SDK1: variants seen among roughly 807,000 people sequenced by gnomAD.
The protein encoded by SDK1 is protein sidekick-1.
In SDK1, 157 loss-of-function variants were observed where a neutral mutation model predicts 245.5. That is an observed-to-expected ratio of 0.64 (90% CI 0.56 to 0.73). SDK1 has a LOEUF of 0.73. SDK1 is among the 30% of genes least tolerant of loss of function. The probability of loss-of-function intolerance (pLI) is 0.00; values close to 1 mark genes in which losing one functional copy is unlikely to be tolerated. For missense variants in SDK1, 3,583 were observed against 3,002.3 expected (o/e 1.19, Z -4.52); for synonymous variants, 1,647 against 1,278.5 (o/e 1.29, Z -6.15).
At chr7:3,665,977 A>T (rs1027798926) in intron 4 of SDK1, among the ~76,000 whole-genome samples, 2 of 152,004 alleles carry the variant, frequency 1.3e-5, no homozygotes, top group African/African-American at 4.8e-5. Context: ...CACACTTCCT[A>T]TTCCAATTAG....
chr7:3,791,168 A>G (rs115502857), intron 4 of SDK1, among the ~76,000 whole-genome samples: 44 of 151,378 alleles, frequency 2.9e-4, no homozygotes, highest in African/African-American at 9.3e-4. Flanking sequence ...AAAACAACAA[A>G]AAAAAAAACA....
intron 1 of SDK1, among the ~76,000 whole-genome samples, chr7:3,597,241 C>T (rs1781096698): frequency 7.0e-6 from 1 of 142,082 alleles, no homozygotes. Context: ...CACTGCACTC[C>T]AGCCTGGTCG....
intron 1 of SDK1, among the ~76,000 whole-genome samples, chr7:3,573,966 G>A (rs1415587136): frequency 1.3e-5 from 2 of 151,960 alleles, no homozygotes; most frequent in East Asian, 1.9e-4. Flanking sequence ...CTTACTAAAG[G>A]CAGGGCTGTA....
At chr7:4,033,490 A>G (rs1026851464) in intron 17 of SDK1, among the ~76,000 whole-genome samples, 19 of 152,338 alleles carry the variant, frequency 1.2e-4, no homozygotes, top group African/African-American at 3.4e-4. Context: ...AAAAGCTAAA[A>G]TATTCCATAT....
In SDK1 at chr7:3,757,204, G is replaced by A. The variant is rs74726304; in HGVS notation, c.714-64246G>A. 8.2e-3 allele frequency among the ~76,000 whole-genome samples: 1,250 copies of A among 152,068 alleles called. 11 individuals carry two copies. Among genetic ancestry groups the A allele is most frequent in the Middle Eastern group, 0.017 (5 of 294 alleles). On this transcript the variant is annotated intron_variant, in intron 4 of 44. Coordinates refer to ENST00000404826, the MANE Select transcript of SDK1 (RefSeq NM_152744.4). ...TATACATCTGACAGACTTTGAATCG[G>A]GGTTCCCAAAACCCCCTCCTTGGGC... is the stretch of plus-strand genomic sequence containing the variant.
chr7:3,531,304 C>T (rs917840368), intron 1 of SDK1, among the ~76,000 whole-genome samples: 1 of 152,076 alleles, frequency 6.6e-6, no homozygotes, highest in Non-Finnish European at 1.5e-5. Context: ...TTTATTTACC[C>T]TTGGTTTTGT....
intron 1 of SDK1, among the ~76,000 whole-genome samples, chr7:3,403,601 G>A (rs777590703): frequency 6.6e-6 from 1 of 151,418 alleles, no homozygotes; most frequent in East Asian, 1.9e-4. Context: ...AGATATCTGA[G>A]TAAAGAGTAA....
At chr7:3,559,717 A>T (rs796818534) in intron 1 of SDK1, among the ~76,000 whole-genome samples, 10 of 151,742 alleles carry the variant, frequency 6.6e-5, no homozygotes, top group African/African-American at 2.4e-4. Context: ...ACCTCAAGGT[A>T]ACGCTGTAAA....
At chr7:3,926,742 A>G (rs1779785406) in intron 5 of SDK1, among the ~76,000 whole-genome samples, 1 of 151,682 alleles carries the variant, frequency 6.6e-6, no homozygotes, top group Admixed American at 6.6e-5. Context: ...ACTTTCTACG[A>G]CTCCGTAAGG....
At chr7:3,478,465 A>G (rs17133414) in intron 1 of SDK1, among the ~76,000 whole-genome samples, 24,784 of 151,978 alleles carry the variant, frequency 0.16, 2,162 homozygotes, top group Middle Eastern at 0.22. Context: ...AAAATAACCT[A>G]GGAGTATCAT....
chr7:3,309,687 G>A lies in SDK1; in HGVS notation c.298+7803G>A, dbSNP rs193226262. Among the ~76,000 whole-genome samples, 201 of 152,032 alleles carry A rather than the reference G, an allele frequency of 1.3e-3. 4 individuals carry two copies. Among genetic ancestry groups the A allele is most frequent in the African/African-American group, 4.7e-3 (194 of 41,488 alleles). On this transcript the variant is annotated intron_variant, in intron 1 of 44. Coordinates refer to ENST00000404826, the MANE Select transcript of SDK1 (RefSeq NM_152744.4). Reference sequence around the variant, plus strand: ...TTACAGTAAGCTGTAATGATTTGCAGAACATAAAAGAAAACATGGCTGTTA... The same window carrying A: ...TTACAGTAAGCTGTAATGATTTGCAAAACATAAAAGAAAACATGGCTGTTA...
intron 17 of SDK1, among the ~76,000 whole-genome samples, chr7:4,020,638 G>T (rs998805177): frequency 1.3e-5 from 2 of 152,166 alleles, no homozygotes; most frequent in Non-Finnish European, 2.9e-5. Flanking sequence ...ATGCATCAGG[G>T]GGACAGTGGT....
chr7:3,397,562 A>G (rs910013428), intron 1 of SDK1, among the ~76,000 whole-genome samples: 1 of 151,208 alleles, frequency 6.6e-6, no homozygotes, highest in African/African-American at 2.4e-5. Context: ...TGTTAATCTT[A>G]TAGAGGATTC....
chr7:3,363,752 C>T (rs1781014330), intron 1 of SDK1, among the ~76,000 whole-genome samples: 1 of 152,202 alleles, frequency 6.6e-6, no homozygotes, highest in Non-Finnish European at 1.5e-5. Context: ...TGCTGATTTG[C>T]CCGGAGGAGC....
At chr7:4,161,700 C>T in intron 31 of SDK1, 86 bp from the exon 32 acceptor site, 1 of 1,094,158 alleles carries the variant, frequency 9.1e-7, no homozygotes, top group Non-Finnish European at 1.4e-6. Context: ...CACCAGCCTC[C>T]CCATACTCAC....
intron 1 of SDK1, among the ~76,000 whole-genome samples, chr7:3,535,683 G>C (rs1778862957): frequency 6.6e-6 from 1 of 152,140 alleles, no homozygotes; most frequent in Non-Finnish European, 1.5e-5. Context: ...TTTTCAGTTA[G>C]TAATCAGATG....
intron 22 of SDK1, among the ~76,000 whole-genome samples, chr7:4,107,449 G>A (rs1783011807): frequency 6.6e-6 from 1 of 151,808 alleles, no homozygotes; most frequent in African/African-American, 2.4e-5. Flanking sequence ...CTAAATTGAC[G>A]GCCTGAAATG....
chr7:3,313,392 C>G (rs758424609), intron 1 of SDK1, among the ~76,000 whole-genome samples: 1 of 151,902 alleles, frequency 6.6e-6, no homozygotes, highest in Non-Finnish European at 1.5e-5. Flanking sequence ...GGCGACGGAG[C>G]GAGACTCCAT....
At chr7:4,055,042 T>C (rs1779112917) in intron 19 of SDK1, among the ~76,000 whole-genome samples, 1 of 152,228 alleles carries the variant, frequency 6.6e-6, no homozygotes, top group African/African-American at 2.4e-5. Context: ...ATGAGAGATA[T>C]TAATCTGTAG....
Sources: gnomAD v4.1 joint callset for allele counts (sites outside exome capture counted in the v4.1 genomes callset) on GRCh38, gnomAD v4.1.1 for gene constraint, MANE v1.5 for transcripts, NCBI Gene and HGNC (gene_info 2026-07-23, HGNC 2026-07-21) for gene names.